Variants in KCTD5 observed in about 807,000 individuals in gnomAD.
KCTD5 encodes BTB/POZ domain-containing protein KCTD5.
Under a neutral mutation model 27.9 loss-of-function variants are expected in KCTD5, and 12 were observed. That is an observed-to-expected ratio of 0.43 (90% CI 0.28 to 0.70). The LOEUF is 0.70. Ranked by LOEUF, KCTD5 falls within the 30% of genes least tolerant of loss-of-function variation. KCTD5 has a pLI of 0.19. For synonymous variants in KCTD5, 147 were observed against 121.4 expected (o/e 1.21, Z -1.39); for missense variants, 226 against 274.8 (o/e 0.82, Z 1.26).
chr16:2,707,883 T>G lies in KCTD5; in HGVS notation c.*556T>G. The stretch of plus-strand genomic sequence containing the variant: ...GCGTCGTCACTGCTTCCCGGCGCCA[T>G]TCCGAGGCCGGGCCTTCTTCTGACA... On this transcript the variant is annotated 3_prime_UTR_variant, in exon 6 of 6. Transcript: ENST00000301738. The G allele has an allele frequency of 2.4e-5, 4 of 166,738 alleles. No individual in the cohort carries two copies. The highest frequency in any genetic ancestry group is 3.9e-5 in the Non-Finnish European group (3 of 77,758). 10.3% of individuals were successfully genotyped at this position (166,738 alleles called of 1,614,324 possible).
intron 5 of KCTD5, among the ~76,000 whole-genome samples, chr16:2,704,963 C>T (rs544467969): frequency 7.9e-5 from 12 of 152,326 alleles, no homozygotes; most frequent in South Asian, 4.1e-4. Flanking sequence ...CCGCCTCACA[C>T]GTGGAGGTTT....
intron 1 of KCTD5, among the ~76,000 whole-genome samples, chr16:2,691,726 C>G (rs1451679943): frequency 6.6e-6 from 1 of 152,164 alleles, no homozygotes; most frequent in Non-Finnish European, 1.5e-5. Flanking sequence ...GTTCTCTGCT[C>G]CTCTGCCCTG....
intron 3 of KCTD5, among the ~76,000 whole-genome samples, chr16:2,699,527 C>G (rs940107708): frequency 6.6e-6 from 1 of 152,230 alleles, no homozygotes; most frequent in Non-Finnish European, 1.5e-5. Flanking sequence ...CGTGGACGCT[C>G]TCGTGTCGTC....
In KCTD5 at chr16:2,707,317, C is replaced by A; in HGVS notation, c.695C>A (p.Ser232Ter). ...TTTCAGATTTTGCAAGAACGAGGCTCAAGGATGTGAGGGACACAGTATTGA... is the reference window on the plus strand; with the variant it reads ...TTTCAGATTTTGCAAGAACGAGGCTAAAGGATGTGAGGGACACAGTATTGA... ...EKAKILQERG[S>*]RM Residue 232 changes from serine (S) to a stop codon, truncating the protein, a stop_gained, in exon 6 of 6, where the codon TCA (serine) becomes TAA (stop). Coordinates refer to ENST00000301738, the MANE Select transcript of KCTD5 (RefSeq NM_018992.4). LOFTEE classifies it high-confidence loss of function. 1 of 1,614,016 alleles carries A rather than the reference C, an allele frequency of 6.2e-7. No homozygotes were observed. The highest frequency in any genetic ancestry group is 8.5e-7 in the Non-Finnish European group (1 of 1,179,902).
chr16:2,706,691 C>T (rs541561431), intron 5 of KCTD5, among the ~76,000 whole-genome samples: 155 of 151,828 alleles, frequency 1.0e-3, no homozygotes, highest in African/African-American at 3.4e-3. Context: ...GCCGAGGGGC[C>T]GTGGGCTCTG....
intron 4 of KCTD5, among the ~76,000 whole-genome samples, chr16:2,701,575 G>A (rs1181170397): frequency 1.3e-5 from 2 of 152,348 alleles, no homozygotes; most frequent in South Asian, 4.1e-4. Flanking sequence ...TGGGTCAGCC[G>A]CCAGCTATAC....
chr16:2,685,431 AAAAAG>A (rs2067536610), intron 1 of KCTD5, among the ~76,000 whole-genome samples: 1 of 151,542 alleles, frequency 6.6e-6, no homozygotes. Flanking sequence ...TGTCTCAAAA[AAAAAG>A]AAAAAAGAAA....
intron 1 of KCTD5, among the ~76,000 whole-genome samples, chr16:2,687,072 C>T (rs925435261): frequency 5.3e-5 from 8 of 152,212 alleles, no homozygotes; most frequent in East Asian, 1.9e-4. Flanking sequence ...ATGGTCCCTG[C>T]GGTGCTGGGG....
At chr16:2,697,508 G>C (rs1170445302) in intron 2 of KCTD5, among the ~76,000 whole-genome samples, 1 of 152,262 alleles carries the variant, frequency 6.6e-6, no homozygotes, top group Non-Finnish European at 1.5e-5. Flanking sequence ...GTTCCCAGCA[G>C]GAAGCGTCGG....
chr16:2,705,440 C>T (rs1009218873), intron 5 of KCTD5, among the ~76,000 whole-genome samples: 2 of 152,128 alleles, frequency 1.3e-5, no homozygotes, highest in Admixed American at 6.5e-5. Flanking sequence ...CATCAGTGGT[C>T]GTGAACCCAA....
rs1596220150 is a variant in KCTD5, at chr16:2,687,976, TG to T, written c.252+5180del. Among the ~76,000 whole-genome samples the T allele has an allele frequency of 2.0e-5, 3 of 152,092 alleles. No homozygotes were observed. The East Asian group carries it at 5.8e-4, about 29-fold the overall frequency. Reference sequence around the variant, plus strand: ...TGTGACAGAGCATCTTCCTTGGAGTTGGGGAGCCTGGGTTGGAATCTGCCCA... The same window carrying T: ...TGTGACAGAGCATCTTCCTTGGAGTTGGGAGCCTGGGTTGGAATCTGCCCA... On this transcript the variant is annotated intron_variant, in intron 1 of 5. Coordinates refer to ENST00000301738, the MANE Select transcript of KCTD5 (RefSeq NM_018992.4).
chr16:2,687,230 A>G (rs1298101714), intron 1 of KCTD5, among the ~76,000 whole-genome samples: 1 of 152,202 alleles, frequency 6.6e-6, no homozygotes, highest in Non-Finnish European at 1.5e-5. Flanking sequence ...GACTCTGGTG[A>G]TGAAATGGAA....
chr16:2,696,735 G>A (rs1235863740), intron 2 of KCTD5, among the ~76,000 whole-genome samples: 18 of 152,154 alleles, frequency 1.2e-4, no homozygotes, highest in African/African-American at 4.4e-4. Flanking sequence ...TCTGTTCTGG[G>A]CCTCTGGGCC....
chr16:2,707,449 GGT>G lies in KCTD5; in HGVS notation c.*126_*127del. On this transcript the variant is annotated 3_prime_UTR_variant, in exon 6 of 6. Coordinates refer to ENST00000301738, the MANE Select transcript of KCTD5 (RefSeq NM_018992.4). ...TTTTGATCATTTTTCTAGAGATCTG[GGT>G]GTGAATCCTTTTTTGCCTCTGAGGT... is the stretch of plus-strand genomic sequence containing the variant. 1 of 1,049,668 alleles carries G rather than the reference GGT, an allele frequency of 9.5e-7. No individual in the cohort carries two copies. Among genetic ancestry groups the G allele is most frequent in the Non-Finnish European group, 1.5e-6 (1 of 674,014 alleles). 65.0% of individuals were successfully genotyped at this position (1,049,668 alleles called of 1,614,324 possible).
In KCTD5 at chr16:2,687,577, C is replaced by T. The variant is rs546629535; in HGVS notation, c.252+4777C>T. 1.8e-4 allele frequency among the ~76,000 whole-genome samples: 28 copies of T among 152,338 alleles called. 1 individual carries two copies. The highest frequency in any genetic ancestry group is 6.8e-3 in the Middle Eastern group (2 of 294). Reference sequence around the variant, plus strand: ...CATTTGCTTACGGATTGTGTGTGGCCGTTTTTGCTCTGAAAGGTCACGGAG... The same window carrying T: ...CATTTGCTTACGGATTGTGTGTGGCTGTTTTTGCTCTGAAAGGTCACGGAG... On this transcript the variant is annotated intron_variant, in intron 1 of 5. Transcript: ENST00000301738.
At chr16:2,682,887 T>C (rs2067524783) in intron 1 of KCTD5, 87 bp downstream of exon 1, 1 of 1,439,162 alleles carries the variant, frequency 6.9e-7, no homozygotes, top group Admixed American at 2.9e-5. Flanking sequence ...GGAGGAGACT[T>C]CAGCGGGAGC....
At chr16:2,683,057 C>T in intron 1 of KCTD5, 4 of 445,540 alleles carry the variant, frequency 9.0e-6, no homozygotes, top group South Asian at 3.8e-5. Context: ...GTGTCTCTTC[C>T]TCGCCCTCTT....
At chr16:2,700,084 C>T (rs890986244) in intron 4 of KCTD5, among the ~76,000 whole-genome samples, 168 bp downstream of exon 4, 9 of 152,210 alleles carry the variant, frequency 5.9e-5, no homozygotes, top group Non-Finnish European at 8.8e-5. Context: ...CTGGAGGAGC[C>T]TTGGGAGTTC....
At chr16:2,692,431 C>T (rs2067570604) in intron 1 of KCTD5, among the ~76,000 whole-genome samples, 1 of 152,126 alleles carries the variant, frequency 6.6e-6, no homozygotes, top group South Asian at 2.1e-4. Flanking sequence ...AGAGAAGCGG[C>T]CCCGGACTGG....
Sources: gnomAD v4.1 joint callset for allele counts (sites outside exome capture counted in the v4.1 genomes callset) on GRCh38, gnomAD v4.1.1 for gene constraint, MANE v1.5 for transcripts, NCBI Gene and HGNC (gene_info 2026-07-23, HGNC 2026-07-21) for gene names.